ASIC2: variants seen among roughly 807,000 people sequenced by gnomAD.
ASIC2 encodes acid sensing ion channel subunit 2.
ASIC2 carries 25 observed loss-of-function variants against 57.3 expected under a neutral mutation model. That is an observed-to-expected ratio of 0.44 (90% CI 0.32 to 0.61). The LOEUF is 0.61. Among genes scored for constraint, ASIC2 ranks in the 20% least tolerant of loss-of-function variants. The pLI is 0.06. For missense variants in ASIC2, 641 were observed against 738.1 expected (o/e 0.87, Z 1.52); for synonymous variants, 319 against 307.5 (o/e 1.04, Z -0.39).
chr17:33,839,676 G>A (rs72816929), intron 1 of ASIC2, among the ~76,000 whole-genome samples: 23,876 of 152,184 alleles, frequency 0.16, 2,316 homozygotes, highest in South Asian at 0.24. Flanking sequence ...CTGGCTTGCT[G>A]TTAGGTTCTG....
chr17:33,418,022 G>GTATA (rs199888801), intron 1 of ASIC2, among the ~76,000 whole-genome samples: 2 of 48,452 alleles, frequency 4.1e-5, no homozygotes, highest in African/African-American at 1.1e-4. Context: ...CTCTCAGCAT[G>GTATA]TATGTATGTG....
intron 1 of ASIC2, among the ~76,000 whole-genome samples, chr17:33,775,868 C>A (rs1261782098): frequency 6.6e-6 from 1 of 152,160 alleles, no homozygotes; most frequent in Non-Finnish European, 1.5e-5. Context: ...CGCTGTGGCT[C>A]ACACCTGTAA....
chr17:33,677,287 T>C (rs1907856233), intron 1 of ASIC2, among the ~76,000 whole-genome samples: 1 of 152,212 alleles, frequency 6.6e-6, no homozygotes, highest in South Asian at 2.1e-4. Flanking sequence ...AGGGTAACTC[T>C]TTTGTTAGAG....
chr17:33,579,684 G>A (rs1904341965), intron 1 of ASIC2, among the ~76,000 whole-genome samples: 1 of 152,180 alleles, frequency 6.6e-6, no homozygotes, highest in Non-Finnish European at 1.5e-5. Flanking sequence ...CTTCTAGAGT[G>A]AAGCTACAGA....
At chr17:33,135,520 C>T (rs2092363916) in intron 1 of ASIC2, among the ~76,000 whole-genome samples, 1 of 152,216 alleles carries the variant, frequency 6.6e-6, no homozygotes, top group South Asian at 2.1e-4. Context: ...TATCCCACTG[C>T]CCTGTGAGGG....
At chr17:33,776,606 C>T (rs536376442) in intron 1 of ASIC2, among the ~76,000 whole-genome samples, 13 of 152,326 alleles carry the variant, frequency 8.5e-5, no homozygotes, top group Non-Finnish European at 1.8e-4. Context: ...CTGTCACCCA[C>T]ACCTGGCCCT....
intron 1 of ASIC2, among the ~76,000 whole-genome samples, chr17:33,894,319 G>C (rs1915034590): frequency 6.6e-6 from 1 of 151,308 alleles, no homozygotes; most frequent in African/African-American, 2.4e-5. Context: ...GACAGAATGA[G>C]AGAAGCTCTG....
At chr17:34,076,884 G>A (rs1056378541) in intron 1 of ASIC2, among the ~76,000 whole-genome samples, 8 of 152,206 alleles carry the variant, frequency 5.3e-5, no homozygotes, top group Non-Finnish European at 1.5e-5. Context: ...AAGAAGGAAG[G>A]AGGAGGGAGG....
chr17:34,098,326 T>C (rs1910621140), intron 1 of ASIC2, among the ~76,000 whole-genome samples: 1 of 152,162 alleles, frequency 6.6e-6, no homozygotes, highest in South Asian at 2.1e-4. Flanking sequence ...CTTGATGACA[T>C]CAAGTGAACA....
chr17:33,979,156 C>G (rs1905509082), intron 1 of ASIC2, among the ~76,000 whole-genome samples: 1 of 152,132 alleles, frequency 6.6e-6, no homozygotes, highest in Non-Finnish European at 1.5e-5. Flanking sequence ...AGGCAAGACA[C>G]CCTCTAAAGC....
chr17:33,656,698 T>C (rs756324217), intron 1 of ASIC2, among the ~76,000 whole-genome samples: 8 of 152,180 alleles, frequency 5.3e-5, no homozygotes, highest in Non-Finnish European at 1.2e-4. Context: ...GTGTTCCCCC[T>C]CTGTGTTTTC....
chr17:33,045,833 A>G (rs1027345755), intron 3 of ASIC2, among the ~76,000 whole-genome samples: 2 of 152,100 alleles, frequency 1.3e-5, no homozygotes, highest in African/African-American at 4.8e-5. Flanking sequence ...TTGCATTTCC[A>G]TCTTTCTAAG....
intron 1 of ASIC2, among the ~76,000 whole-genome samples, chr17:33,919,460 C>T (rs1267635324): frequency 6.6e-6 from 1 of 152,126 alleles, no homozygotes; most frequent in Non-Finnish European, 1.5e-5. Context: ...AACTGTCTAG[C>T]TATATGCAGA....
At chr17:33,458,433 G>T (rs1018017992) in intron 1 of ASIC2, among the ~76,000 whole-genome samples, 12 of 151,740 alleles carry the variant, frequency 7.9e-5, no homozygotes, top group African/African-American at 2.9e-4. Flanking sequence ...TCACATGTTT[G>T]ACTGGGGAGC....
chr17:34,046,730 G>T (rs570982986), intron 1 of ASIC2, among the ~76,000 whole-genome samples: 1 of 152,194 alleles, frequency 6.6e-6, no homozygotes, highest in African/African-American at 2.4e-5. Flanking sequence ...ACTTAGAAAA[G>T]CAAAAGCTGT....
chr17:34,001,239 TCAC>T (rs1278141632), intron 1 of ASIC2: 1 of 152,226 alleles, frequency 6.6e-6, no homozygotes, highest in Non-Finnish European at 1.5e-5. Flanking sequence ...GTTAATCTCT[TCAC>T]CAGCTTACTT....
intron 1 of ASIC2, among the ~76,000 whole-genome samples, chr17:33,129,325 C>G (rs927176293): frequency 6.6e-6 from 1 of 152,104 alleles, no homozygotes; most frequent in African/African-American, 2.4e-5. Context: ...AATTCTCTGT[C>G]TTCTGAAAAC....
intron 1 of ASIC2, among the ~76,000 whole-genome samples, chr17:33,430,948 C>T (rs1200845227): frequency 6.6e-6 from 1 of 152,062 alleles, no homozygotes; most frequent in Non-Finnish European, 1.5e-5. Flanking sequence ...CCCATGGACC[C>T]TAAATATAAG....
intron 1 of ASIC2, among the ~76,000 whole-genome samples, chr17:33,617,195 A>G (rs1458094009): frequency 6.6e-6 from 1 of 152,258 alleles, no homozygotes; most frequent in Non-Finnish European, 1.5e-5. Context: ...TTGTTCTACC[A>G]TAAAGACACA....
Sources: allele counts gnomAD v4.1 joint callset (sites outside exome capture counted in the v4.1 genomes callset), GRCh38; gene constraint gnomAD v4.1.1; transcripts MANE v1.5; gene names NCBI Gene and HGNC (gene_info 2026-07-23, HGNC 2026-07-21).